The following RAB43 variants were observed in gnomAD, a reference collection of about 807,000 sequenced individuals.
RAB43 encodes RAB43, member RAS oncogene family.
RAB43 carries 6 observed loss-of-function variants against 18.8 expected under a neutral mutation model. The ratio of observed to expected loss-of-function variants is 0.32; its 90% confidence interval spans 0.17 to 0.63. The LOEUF is 0.63. Among genes scored for constraint, RAB43 ranks in the 30% least tolerant of loss-of-function variants. The probability of loss-of-function intolerance (pLI) is 0.79; values close to 1 mark genes in which losing one functional copy is unlikely to be tolerated. For synonymous variants in RAB43, 103 were observed against 124.1 expected, an observed-to-expected ratio of 0.83 and a Z score of 1.13; for missense variants, 195 against 289.1, an observed-to-expected ratio of 0.67 and a Z score of 2.36.
At chr3:129,099,801 C>A (rs1934306660) in intron 1 of RAB43, among the ~76,000 whole-genome samples, 2 of 150,748 alleles carry the variant, frequency 1.3e-5, no homozygotes, top group Non-Finnish European at 1.5e-5. Context: ...AATCAGTGAA[C>A]CTGAAGAAAA....
chr3:129,117,331 A>G lies in RAB43; in HGVS notation c.204+3955T>C, dbSNP rs567733179. On this transcript the variant is annotated intron_variant, in intron 1 of 2. Transcript: ENST00000315150. ...TGAGGAAGCCTGAGGCTCCAAGGAG[A>G]AAAAAAATGAATTGCCCAAGTCTGT... Among the ~76,000 whole-genome samples the G allele has an allele frequency of 3.3e-5, 5 of 152,142 alleles. No individual in the cohort carries two copies. In the East Asian group the frequency reaches 9.6e-4, roughly 29 times the overall value.
intron 1 of RAB43, among the ~76,000 whole-genome samples, chr3:129,113,164 A>AT (rs1935279865): frequency 2.1e-5 from 3 of 143,234 alleles, no homozygotes; most frequent in South Asian, 2.2e-4. Flanking sequence ...TATTATTATT[A>AT]TTATTATTTT....
chr3:129,107,311 C>A lies in RAB43; in HGVS notation c.205-12142G>T, dbSNP rs560034669. ...TGGCACCTCCTGCAGGAATCAAACC[C>A]GTTCCTGAACAGCTTGGATGAGAAA... On this transcript the variant is annotated intron_variant, in intron 1 of 2. Transcript: ENST00000315150. This position sits in a 1 kb window ranked among gnomAD's most constrained non-coding sequence, Gnocchi z 4.2. Among the ~76,000 whole-genome samples the A allele has an allele frequency of 6.6e-6, 1 of 152,168 alleles. No homozygotes were observed. Among genetic ancestry groups the A allele is most frequent in the African/African-American group, 2.4e-5 (1 of 41,452 alleles).
chr3:129,091,436 C>T lies in RAB43; in HGVS notation c.389-90G>A, dbSNP rs560032059. 110 of 1,455,364 alleles carry T rather than the reference C, an allele frequency of 7.6e-5. No individual in the cohort carries two copies. The Admixed American group carries it at 2.4e-3, about 32-fold the overall frequency. 90.2% of individuals were successfully genotyped at this position (1,455,364 alleles called of 1,614,324 possible). On this transcript the variant is annotated intron_variant, in intron 2 of 2. Transcript: ENST00000315150. ...GGGTCACGCTGACAGCCCCATGCCACTCCCTTCCACCACTATAAATGGACA... is the reference window on the plus strand; with the variant it reads ...GGGTCACGCTGACAGCCCCATGCCATTCCCTTCCACCACTATAAATGGACA...
At chr3:129,093,071 A>G (rs1475282030) in intron 2 of RAB43, among the ~76,000 whole-genome samples, 2 of 151,736 alleles carry the variant, frequency 1.3e-5, no homozygotes, top group Non-Finnish European at 2.9e-5. Flanking sequence ...GCTCACTACA[A>G]TCTCCGCCTC....
intron 1 of RAB43, among the ~76,000 whole-genome samples, chr3:129,117,577 A>C (rs540021720): frequency 6.6e-6 from 1 of 152,344 alleles, no homozygotes; most frequent in South Asian, 2.1e-4. Context: ...GTATATCTAC[A>C]CGTTTTGGTT....
At chr3:129,109,470 C>T (rs1231975799) in intron 1 of RAB43, among the ~76,000 whole-genome samples, 1 of 151,276 alleles carries the variant, frequency 6.6e-6, no homozygotes, top group East Asian at 1.9e-4. Context: ...GATGTAGTAG[C>T]TCATGCCTGT....
chr3:129,109,187 G>A (rs1934980693), intron 1 of RAB43, among the ~76,000 whole-genome samples: 1 of 152,140 alleles, frequency 6.6e-6, no homozygotes, highest in South Asian at 2.1e-4. Flanking sequence ...AAGGCGGGCG[G>A]ATCACGAGGT....
chr3:129,099,394 AT>A (rs979039944), intron 1 of RAB43, among the ~76,000 whole-genome samples: 8 of 121,950 alleles, frequency 6.6e-5, no homozygotes, highest in Admixed American at 1.7e-4. Flanking sequence ...CCTGGCCTTA[AT>A]TTTTTTTTTG....
intron 1 of RAB43, among the ~76,000 whole-genome samples, chr3:129,099,010 T>C (rs1042331542): frequency 1.3e-5 from 2 of 151,440 alleles, no homozygotes; most frequent in Non-Finnish European, 2.9e-5. Context: ...GAGGCAGAGG[T>C]TGCAGTGAGC....
intron 2 of RAB43, among the ~76,000 whole-genome samples, chr3:129,093,033 T>C (rs1310670277): frequency 6.6e-6 from 1 of 151,932 alleles, no homozygotes; most frequent in Admixed American, 6.5e-5. Flanking sequence ...CTCTGTCGCA[T>C]AGGCTGGAGG....
At chr3:129,101,903 C>T (rs1403255970) in intron 1 of RAB43, among the ~76,000 whole-genome samples, 2 of 152,212 alleles carry the variant, frequency 1.3e-5, no homozygotes, top group Admixed American at 6.5e-5. Flanking sequence ...ACTCCAGCCA[C>T]TGCTGCAGCA....
intron 1 of RAB43, among the ~76,000 whole-genome samples, chr3:129,119,077 G>C (rs1935732943): frequency 6.6e-6 from 1 of 152,218 alleles, no homozygotes; most frequent in African/African-American, 2.4e-5. Flanking sequence ...GTAAGTTTGA[G>C]AAGTTCATAG....
At chr3:129,104,430 T>C (rs1934623377) in intron 1 of RAB43, among the ~76,000 whole-genome samples, 2 of 152,172 alleles carry the variant, frequency 1.3e-5, no homozygotes, top group South Asian at 4.1e-4. Context: ...TATAATTGAC[T>C]TTCGGGGAAA....
At chr3:129,121,230 GC>G (rs1159896940) in intron 1 of RAB43, 55 bp downstream of exon 1, 159 of 1,457,756 alleles carry the variant, frequency 1.1e-4, no homozygotes, top group Non-Finnish European at 1.3e-4. Context: ...GGGCTCCGCT[GC>G]CCCCGCCCCA....
At chr3:129,109,278 C>T (rs1335417991) in intron 1 of RAB43, among the ~76,000 whole-genome samples, 4 of 151,868 alleles carry the variant, frequency 2.6e-5, no homozygotes, top group Non-Finnish European at 5.9e-5. Flanking sequence ...GGCGTGGTGG[C>T]GGGTGCCTGT....
intron 1 of RAB43, among the ~76,000 whole-genome samples, chr3:129,120,591 CTG>C (rs5852561): frequency 0.035 from 5,290 of 152,328 alleles, 213 homozygotes; most frequent in East Asian, 0.11. Context: ...CCACATCCTG[CTG>C]TTTTTATTCG....
rs1470043822 is a variant in RAB43 at position 129,121,510 on chromosome 3, G to A, written c.-21C>T. 5 of 1,584,262 alleles carry A rather than the reference G, an allele frequency of 3.2e-6. No individual in the cohort carries two copies. The African/African-American group carries it at 5.4e-5, about 17-fold the overall frequency. On this transcript the variant is annotated 5_prime_UTR_variant, in exon 1 of 3. Transcript: ENST00000315150. ...GCCATGGCCTAGAAGAAGCCGAAGGGCCGGCGCTCTGGACGCTGGGACCGG... is the reference window on the plus strand; with the variant it reads ...GCCATGGCCTAGAAGAAGCCGAAGGACCGGCGCTCTGGACGCTGGGACCGG...
chr3:129,109,668 G>A (rs546347911), intron 1 of RAB43, among the ~76,000 whole-genome samples: 179 of 151,326 alleles, frequency 1.2e-3, no homozygotes, highest in Non-Finnish European at 2.1e-3. Context: ...CTTGAACCTG[G>A]GAGGTGGAGG....
Sources: gnomAD v4.1 joint callset for allele counts (sites outside exome capture counted in the v4.1 genomes callset) on GRCh38, gnomAD v4.1.1 for gene constraint, Gnocchi (gnomAD v3.1) non-coding constraint, MANE v1.5 for transcripts, NCBI Gene and HGNC (gene_info 2026-07-23, HGNC 2026-07-21) for gene names.